The following SGCE variants were observed in gnomAD, a reference collection of about 807,000 sequenced individuals.
SGCE encodes the protein sarcoglycan epsilon.
Under a neutral mutation model 57.8 loss-of-function variants are expected in SGCE, and 26 were observed. That is an observed-to-expected ratio of 0.45 (90% CI 0.33 to 0.62). The LOEUF is 0.62. Ranked by LOEUF, SGCE falls within the 20% of genes least tolerant of loss-of-function variation. SGCE has a pLI of 0.02. For synonymous variants in SGCE, 183 were observed against 189.5 expected (o/e 0.97, Z 0.28); for missense variants, 468 against 548.6 (o/e 0.85, Z 1.47).
At chr7:94,642,075 G>A (rs1806472592) in intron 1 of SGCE, among the ~76,000 whole-genome samples, 1 of 151,956 alleles carries the variant, frequency 6.6e-6, no homozygotes, top group Non-Finnish European at 1.5e-5. Context: ...TTAAACCCAG[G>A]TTATTAAAAA....
At chr7:94,623,737 CA>C (rs35685364) in intron 3 of SGCE, 696 of 332,598 alleles carry the variant, frequency 2.1e-3, no homozygotes, top group Admixed American at 6.9e-3. Flanking sequence ...TCTAAGATTT[CA>C]AAAAAAAAAC....
At chr7:94,654,962 C>A (rs1808379925) in intron 1 of SGCE, among the ~76,000 whole-genome samples, 1 of 152,132 alleles carries the variant, frequency 6.6e-6, no homozygotes, top group African/African-American at 2.4e-5. Flanking sequence ...GATGGGAATC[C>A]GCGTTAAGGT....
intron 2 of SGCE, 187 bp from the exon 3 acceptor site, chr7:94,628,546 T>C: frequency 1.8e-6 from 1 of 569,728 alleles, no homozygotes; most frequent in Non-Finnish European, 3.1e-6. Flanking sequence ...TTTTGGTTGT[T>C]TAATTTGTTT....
intron 1 of SGCE, among the ~76,000 whole-genome samples, chr7:94,652,075 A>G (rs1252610462): frequency 6.6e-6 from 1 of 152,078 alleles, no homozygotes; most frequent in Non-Finnish European, 1.5e-5. Context: ...TATGCTCCTC[A>G]CATCTGTCTG....
chr7:94,596,082 A>G (rs551585548), intron 9 of SGCE, among the ~76,000 whole-genome samples: 76 of 152,200 alleles, frequency 5.0e-4, no homozygotes, highest in African/African-American at 1.5e-3. Flanking sequence ...TGGACTTAAA[A>G]ATACGTATGT....
In SGCE at chr7:94,647,739, G is replaced by A. The variant is rs1156931495; in HGVS notation, c.109+8251C>T. On this transcript the variant is annotated intron_variant, in intron 1 of 10. Coordinates refer to ENST00000648936, the MANE Select transcript of SGCE (RefSeq NM_003919.3). ...TTGACCATATTCAACCTGCCCCAGG[G>A]CCTCTACAGAGGTCTTCCTTTTACC... 5.9e-5 allele frequency among the ~76,000 whole-genome samples: 9 copies of A among 152,114 alleles called. No individual in the cohort carries two copies. In the East Asian group the frequency reaches 9.6e-4, roughly 16 times the overall value.
chr7:94,603,762 T>C (rs918230989), intron 5 of SGCE, among the ~76,000 whole-genome samples: 9 of 152,196 alleles, frequency 5.9e-5, no homozygotes, highest in African/African-American at 2.2e-4. Flanking sequence ...TTCTGATTAC[T>C]ATATTTAGTA....
In SGCE at chr7:94,601,443, C is replaced by CAAAAAAAAAAAAAAAAA. The variant is rs71123905; in HGVS notation, c.826-603_826-587dup. On this transcript the variant is annotated intron_variant, in intron 6 of 10. Transcript: ENST00000648936. ...GTCTTACTTAATTCTATCCCAGTATCAAAAAAAAAAAAAAAAAAAAAAAAA... is the reference window on the plus strand; with the variant it reads ...GTCTTACTTAATTCTATCCCAGTATCAAAAAAAAAAAAAAAAAAAAAAAAAAAAAAAAAAAAAAAAAA... Among the ~76,000 whole-genome samples, 15 of 89,334 alleles carry CAAAAAAAAAAAAAAAAA rather than the reference C, an allele frequency of 1.7e-4. 3 individuals carry two copies. Among genetic ancestry groups the CAAAAAAAAAAAAAAAAA allele is most frequent in the East Asian group, 8.3e-4 (2 of 2,414 alleles). The allele number at this position is 89,334 out of a possible 152,430, so 58.6% of individuals were successfully genotyped here. A position where few individuals can be genotyped will look rare whatever the true frequency, so the allele number is the denominator to read the frequency against.
intron 5 of SGCE, among the ~76,000 whole-genome samples, chr7:94,604,705 G>A (rs556999578): frequency 6.7e-6 from 1 of 149,960 alleles, no homozygotes; most frequent in South Asian, 2.1e-4. Context: ...ACCTAAGAAG[G>A]CAAATGAGAA....
At chr7:94,623,032 C>G (rs936964632) in intron 4 of SGCE, among the ~76,000 whole-genome samples, 3 of 152,070 alleles carry the variant, frequency 2.0e-5, no homozygotes, top group African/African-American at 7.2e-5. Flanking sequence ...ATCCTTACCC[C>G]ACACTTATAA....
In SGCE at chr7:94,598,807, ATC is replaced by A. The variant is rs1353490778; in HGVS notation, c.1219_1220del (p.Asp407Ter). 1 of 1,613,490 alleles carries A rather than the reference ATC, an allele frequency of 6.2e-7. No individual in the cohort carries two copies. The highest frequency in any genetic ancestry group is 1.7e-5 in the Admixed American group (1 of 60,022). On this transcript the variant is annotated frameshift_variant, in exon 9 of 11. Transcript: ENST00000648936. LOFTEE classifies it high-confidence loss of function. The stretch of plus-strand genomic sequence containing the variant: ...TTTGCATCAATGGCATGTTTGTGCT[ATC>A]ATAGTTGTCTGTGTGTAAAGGAGGT... ...IIPPLHTDNYDSTNMPLMQTQ... is the reference protein window; with the variant it reads ...IIPPLHTDNYXSTNMPLMQTQ...
At chr7:94,620,903 C>G (rs1016391431) in intron 4 of SGCE, 72 of 152,362 alleles carry the variant, frequency 4.7e-4, no homozygotes, top group African/African-American at 1.7e-3. Flanking sequence ...CTTTCTAACT[C>G]TGGGGAAATC....
At chr7:94,604,805 GAATATATATATATATATATATATATATA>G (rs1423319095) in intron 5 of SGCE, among the ~76,000 whole-genome samples, 2 of 34,056 alleles carry the variant, frequency 5.9e-5, no homozygotes, top group Admixed American at 4.9e-4. Context: ...AATGGTGCTG[GAATATATATATATATATATATATATATA>G]TATATATATA....
At chr7:94,592,482 A>G (rs551760412) in intron 9 of SGCE, among the ~76,000 whole-genome samples, 37 of 152,196 alleles carry the variant, frequency 2.4e-4, no homozygotes, top group Non-Finnish European at 4.9e-4. Context: ...AAAAGTTATT[A>G]TGTGTAAACT....
intron 5 of SGCE, chr7:94,618,523 G>T (rs1802279714): frequency 2.0e-6 from 1 of 488,800 alleles, no homozygotes; most frequent in Non-Finnish European, 3.6e-6. Flanking sequence ...TATAATTTAT[G>T]ATGCTGATCC....
chr7:94,628,495 A>C (rs1016074014), intron 2 of SGCE, 136 bp from the exon 3 acceptor site: 2 of 645,314 alleles, frequency 3.1e-6, no homozygotes, highest in Admixed American at 2.9e-5. Context: ...TACAAAACCC[A>C]TCTGGGAATT....
At chr7:94,624,490 C>T (rs1735589351) in intron 3 of SGCE, 1 of 333,850 alleles carries the variant, frequency 3.0e-6, no homozygotes, top group Non-Finnish European at 5.4e-6. Context: ...ACCTCTCTCT[C>T]CAGGATTTGC....
At chr7:94,612,698 A>C (rs1801236725) in intron 5 of SGCE, among the ~76,000 whole-genome samples, 3 of 152,200 alleles carry the variant, frequency 2.0e-5, no homozygotes, top group Admixed American at 2.0e-4. Flanking sequence ...ATACTGCCAA[A>C]CTACTTTCAT....
chr7:94,592,726 T>C (rs1263163595), intron 9 of SGCE, among the ~76,000 whole-genome samples: 1 of 152,112 alleles, frequency 6.6e-6, no homozygotes, highest in African/African-American at 2.4e-5. Flanking sequence ...AATTTGACAT[T>C]CTTGGATACC....
Sources: allele counts gnomAD v4.1 joint callset (sites outside exome capture counted in the v4.1 genomes callset), GRCh38; gene constraint gnomAD v4.1.1; transcripts MANE v1.5; gene names NCBI Gene and HGNC (gene_info 2026-07-23, HGNC 2026-07-21).